ADAM10: variants seen among roughly 807,000 people sequenced by gnomAD.
ADAM10 encodes the protein disintegrin and metalloproteinase domain-containing protein 10.
A neutral mutation model predicts 90.1 loss-of-function variants in ADAM10; 17 were observed. That is an observed-to-expected ratio of 0.19 (90% CI 0.13 to 0.28). The LOEUF (loss-of-function observed/expected upper bound fraction) is 0.28. Ranked by LOEUF, ADAM10 falls within the 10% of genes least tolerant of loss-of-function variation. ADAM10 has a pLI of 1.00. For missense variants in ADAM10, 610 were observed against 914.3 expected (o/e 0.67, Z 4.29); for synonymous variants, 310 against 298.6 (o/e 1.04, Z -0.40).
intron 9 of ADAM10, among the ~76,000 whole-genome samples, chr15:58,632,912 G>A (rs2091268895): frequency 6.6e-6 from 1 of 152,158 alleles, no homozygotes; most frequent in South Asian, 2.1e-4. Context: ...TTATGTACTA[G>A]GCATTGTTCT....
Position 58,627,096 on chromosome 15 carries a change from T to C in ADAM10, c.1360+604A>G, listed in dbSNP as rs1175946218. Among the ~76,000 whole-genome samples, 5 of 152,280 alleles carry C rather than the reference T, an allele frequency of 3.3e-5. No homozygotes were observed. In the East Asian group the frequency reaches 5.8e-4, roughly 18 times the overall value. On this transcript the variant is annotated intron_variant, in intron 10 of 15. Transcript: ENST00000260408. ...ACTAGGACATATTCATACAACGTAA[T>C]AGTACTCAGCAATAAAAAGGAGTAT...
intron 2 of ADAM10, among the ~76,000 whole-genome samples, chr15:58,705,834 TGAGA>T (rs1165949298): frequency 6.6e-6 from 1 of 152,254 alleles, no homozygotes; most frequent in Admixed American, 6.5e-5. Flanking sequence ...TAACATATTT[TGAGA>T]GAGACCACAT....
At chr15:58,602,624 G>GCACA (rs201099184) in intron 14 of ADAM10, among the ~76,000 whole-genome samples, 2 of 151,902 alleles carry the variant, frequency 1.3e-5, no homozygotes, top group African/African-American at 4.8e-5. Flanking sequence ...ACATATATAT[G>GCACA]CACACACACA....
At chr15:58,685,789 C>T (rs868225270) in intron 2 of ADAM10, among the ~76,000 whole-genome samples, 12 of 151,594 alleles carry the variant, frequency 7.9e-5, no homozygotes, top group Admixed American at 4.6e-4. Context: ...TTAAAACATA[C>T]GAGCATATTT....
At chr15:58,747,071 C>T (rs1479363445) in intron 1 of ADAM10, among the ~76,000 whole-genome samples, 2 of 152,138 alleles carry the variant, frequency 1.3e-5, no homozygotes, top group African/African-American at 4.8e-5. Context: ...AAGTTCATTT[C>T]GGGCATGATT....
chr15:58,648,845 C>G (rs940834775), intron 5 of ADAM10, among the ~76,000 whole-genome samples: 1 of 150,298 alleles, frequency 6.7e-6, no homozygotes, highest in Non-Finnish European at 1.5e-5. Flanking sequence ...TTTAGTAATG[C>G]TTTTTTTTTG....
At chr15:58,621,371 T>G (rs1595999184) in intron 11 of ADAM10, 100 bp downstream of exon 11, 1 of 1,462,666 alleles carries the variant, frequency 6.8e-7, no homozygotes, top group East Asian at 2.3e-5. Context: ...AAGCAAAGTT[T>G]CAAAACCATA....
Position 58,646,058 on chromosome 15 carries a change from G to A in ADAM10, c.732C>T (p.Ala244=). Residue 244 remains alanine (A), a synonymous_variant, in exon 6 of 16, where the codon GCC becomes GCT. Transcript: ENST00000260408. The part of the protein sequence containing the change: ...KYYGTREAVI[A]QISSHVKAID... ...AATAGCGCATAATCATAAATACCTGGGCAATCACAGCTTCTCGTGTTCCGT... is the reference window on the plus strand; with the variant it reads ...AATAGCGCATAATCATAAATACCTGAGCAATCACAGCTTCTCGTGTTCCGT... The A allele has an allele frequency of 6.2e-7, 1 of 1,613,308 alleles. No homozygotes were observed.
intron 9 of ADAM10, among the ~76,000 whole-genome samples, chr15:58,631,688 T>C (rs1896107236): frequency 6.6e-6 from 1 of 152,086 alleles, no homozygotes; most frequent in East Asian, 1.9e-4. Context: ...GTACTAAAAT[T>C]CCCCTGGTAA....
At chr15:58,729,832 C>G (rs1340673194) in intron 1 of ADAM10, among the ~76,000 whole-genome samples, 1 of 151,960 alleles carries the variant, frequency 6.6e-6, no homozygotes, top group African/African-American at 2.4e-5. Context: ...AGTGGTGGCA[C>G]ACCCCTGTAA....
At chr15:58,607,739 C>A (rs1313904332) in intron 14 of ADAM10, among the ~76,000 whole-genome samples, 2 of 152,048 alleles carry the variant, frequency 1.3e-5, no homozygotes, top group African/African-American at 4.8e-5. Flanking sequence ...AAAAAAGCCA[C>A]AAAATCATCA....
intron 4 of ADAM10, among the ~76,000 whole-genome samples, chr15:58,669,940 TG>T (rs1897157215): frequency 6.6e-6 from 1 of 152,128 alleles, no homozygotes; most frequent in Non-Finnish European, 1.5e-5. Flanking sequence ...TAGAGATTAG[TG>T]CAAGAGGGTA....
At chr15:58,600,532 T>C (rs1356770740) in intron 14 of ADAM10, among the ~76,000 whole-genome samples, 2 of 152,108 alleles carry the variant, frequency 1.3e-5, no homozygotes, top group Admixed American at 6.5e-5. Flanking sequence ...TTATAGGCTA[T>C]CTTTTTAAAT....
At chr15:58,730,529 G>A (rs1306479511) in intron 1 of ADAM10, among the ~76,000 whole-genome samples, 1 of 152,066 alleles carries the variant, frequency 6.6e-6, no homozygotes, top group Middle Eastern at 3.4e-3. Flanking sequence ...TCAAATCTTT[G>A]GTAAGTCACT....
chr15:58,627,605 A>G (rs1895985066), intron 10 of ADAM10, 95 bp downstream of exon 10: 1 of 1,040,904 alleles, frequency 9.6e-7, no homozygotes. Context: ...AGTAAAATGC[A>G]GGTGGTGGGT....
At chr15:58,737,142 G>T (rs188714330) in intron 1 of ADAM10, among the ~76,000 whole-genome samples, 4 of 151,928 alleles carry the variant, frequency 2.6e-5, no homozygotes, top group South Asian at 2.1e-4. Context: ...TCTCAAAGTC[G>T]CCAGGATACT....
chr15:58,734,420 T>C (rs538376672), intron 1 of ADAM10, among the ~76,000 whole-genome samples: 8 of 152,350 alleles, frequency 5.3e-5, no homozygotes, highest in African/African-American at 1.2e-4. Flanking sequence ...AATGATTTCA[T>C]GTTAATCTAC....
chr15:58,659,893 T>C (rs1291372479), intron 5 of ADAM10, among the ~76,000 whole-genome samples: 2 of 152,194 alleles, frequency 1.3e-5, no homozygotes, highest in African/African-American at 2.4e-5. Flanking sequence ...CACACCCAGC[T>C]AACTTTGGTT....
intron 10 of ADAM10, among the ~76,000 whole-genome samples, chr15:58,627,439 A>T (rs1041186180): frequency 6.6e-6 from 1 of 152,200 alleles, no homozygotes; most frequent in African/African-American, 2.4e-5. Context: ...ACTATAAACA[A>T]TATTGAACTC....
Sources: gnomAD v4.1 joint callset for allele counts (sites outside exome capture counted in the v4.1 genomes callset) on GRCh38, gnomAD v4.1.1 for gene constraint, MANE v1.5 for transcripts, NCBI Gene and HGNC (gene_info 2026-07-23, HGNC 2026-07-21) for gene names.